MALRD1: variants seen among roughly 807,000 people sequenced by gnomAD.
MALRD1 encodes MAM and LDL receptor class A domain containing 1.
Under a neutral mutation model 242.1 loss-of-function variants are expected in MALRD1, and 247 were observed. The observed-to-expected ratio is 1.02, with a 90% CI of 0.92 to 1.13. MALRD1 has a LOEUF of 1.13. MALRD1 is among the 50% of genes most tolerant of loss of function. The pLI is 0.00. For synonymous variants in MALRD1, 995 were observed against 866.6 expected, an observed-to-expected ratio of 1.15 and a Z score of -2.60; for missense variants, 2,989 against 2,533.1, an observed-to-expected ratio of 1.18 and a Z score of -3.86.
intron 38 of MALRD1, among the ~76,000 whole-genome samples, chr10:19,701,052 G>A (rs1266951595): frequency 1.3e-5 from 2 of 152,204 alleles, no homozygotes; most frequent in African/African-American, 4.8e-5. Context: ...CGGAGGCAGA[G>A]TTGAGTGGAT....
intron 32 of MALRD1, among the ~76,000 whole-genome samples, chr10:19,545,399 T>A (rs1835166831): frequency 6.6e-6 from 1 of 152,194 alleles, no homozygotes; most frequent in Non-Finnish European, 1.5e-5. Flanking sequence ...GCTAACCTTT[T>A]GAGTTCTTGA....
intron 20 of MALRD1, among the ~76,000 whole-genome samples, chr10:19,281,283 T>C (rs1204128079): frequency 3.9e-5 from 6 of 152,176 alleles, no homozygotes; most frequent in Non-Finnish European, 8.8e-5. Context: ...TGTTCAGACT[T>C]GCTCATCGGA....
intron 36 of MALRD1, among the ~76,000 whole-genome samples, chr10:19,687,609 T>C (rs1217016295): frequency 6.6e-6 from 1 of 152,192 alleles, no homozygotes; most frequent in Non-Finnish European, 1.5e-5. Flanking sequence ...ACTATAAAAA[T>C]ACCCAACACA....
At chr10:19,277,731 A>T (rs113532191) in intron 19 of MALRD1, among the ~76,000 whole-genome samples, 6 of 152,174 alleles carry the variant, frequency 3.9e-5, no homozygotes, top group African/African-American at 1.2e-4. Context: ...TCTATCTTCA[A>T]TCTTAGGTCT....
chr10:19,370,906 A>T (rs2130745593), intron 26 of MALRD1, among the ~76,000 whole-genome samples: 1 of 152,106 alleles, frequency 6.6e-6, no homozygotes, highest in South Asian at 2.1e-4. Context: ...TCACCTTTTC[A>T]TAAATTCTTT....
At chr10:19,284,256 T>G (rs1301516054) in intron 21 of MALRD1, among the ~76,000 whole-genome samples, 1 of 152,208 alleles carries the variant, frequency 6.6e-6, no homozygotes, top group Non-Finnish European at 1.5e-5. Context: ...CAACTTTTTT[T>G]TTTTTTCATT....
chr10:19,645,164 C>A (rs113527846), intron 36 of MALRD1, among the ~76,000 whole-genome samples: 16 of 152,146 alleles, frequency 1.1e-4, no homozygotes, highest in African/African-American at 3.6e-4. Flanking sequence ...AAATGCAAAT[C>A]AAAACCGCAA....
intron 4 of MALRD1, among the ~76,000 whole-genome samples, chr10:19,088,536 C>CTTTTTTTTTTTTTTTTTTTTTT (rs748953378): frequency 9.1e-6 from 1 of 110,030 alleles, no homozygotes; most frequent in African/African-American, 3.4e-5. Flanking sequence ...CTCTTTCTTT[C>CTTTTTTTTTTTTTTTTTTTTTT]TTTTTTTTTT....
intron 35 of MALRD1, among the ~76,000 whole-genome samples, chr10:19,610,128 A>G (rs953971813): frequency 2.6e-5 from 4 of 151,984 alleles, no homozygotes; most frequent in African/African-American, 7.2e-5. Flanking sequence ...TTTATGAGGT[A>G]CAATTTGACA....
At chr10:19,156,553 A>C (rs1834155108) in intron 12 of MALRD1, among the ~76,000 whole-genome samples, 1 of 151,976 alleles carries the variant, frequency 6.6e-6, no homozygotes, top group South Asian at 2.1e-4. Flanking sequence ...TCATACATTA[A>C]AGTGATGAGA....
In MALRD1 at chr10:19,347,974, A is replaced by G. The variant is rs780521181; in HGVS notation, c.4105A>G (p.Arg1369Gly). 42 of 1,550,374 alleles carry G rather than the reference A, an allele frequency of 2.7e-5. No homozygotes were observed. The South Asian group carries it at 4.4e-4, about 16-fold the overall frequency. Residue 1369 changes from arginine to glycine, a missense_variant, in exon 25 of 40, where the codon AGA becomes GGA. Transcript: ENST00000454679. Reference sequence around the variant, plus strand: ...TCCTCAGCAGCCCATGAGAGCTGCCAGAATTTCAAGTCCAGTTATAAGTAA... The same window carrying G: ...TCCTCAGCAGCCCATGAGAGCTGCCGGAATTTCAAGTCCAGTTATAAGTAA... ...LFPQQPMRAA[R>G]ISSPVISKRS...
intron 13 of MALRD1, among the ~76,000 whole-genome samples, chr10:19,167,692 A>G (rs1026979737): frequency 1.3e-5 from 2 of 152,194 alleles, no homozygotes; most frequent in Non-Finnish European, 2.9e-5. Flanking sequence ...ATCAGTGTGC[A>G]TGCCTCCTGA....
intron 33 of MALRD1, among the ~76,000 whole-genome samples, chr10:19,591,742 C>G (rs1198404845): frequency 6.6e-6 from 1 of 152,162 alleles, no homozygotes; most frequent in East Asian, 1.9e-4. Flanking sequence ...AGATGATCTG[C>G]CCACCTCAGC....
At chr10:19,130,172 G>A (rs967369936) in intron 8 of MALRD1, among the ~76,000 whole-genome samples, 6 of 151,854 alleles carry the variant, frequency 4.0e-5, no homozygotes, top group Non-Finnish European at 8.8e-5. Flanking sequence ...GAAGAAAAGG[G>A]GACAACATCT....
chr10:19,319,914 C>G (rs1842848717), intron 21 of MALRD1, among the ~76,000 whole-genome samples: 1 of 151,630 alleles, frequency 6.6e-6, no homozygotes, highest in African/African-American at 2.4e-5. Context: ...AAACTTAAAG[C>G]ATTTATTGCA....
intron 31 of MALRD1, among the ~76,000 whole-genome samples, chr10:19,500,407 T>G (rs4747375): frequency 0.29 from 44,041 of 152,088 alleles, 8,693 homozygotes; most frequent in African/African-American, 0.57. Flanking sequence ...AAAGATGGAC[T>G]ATACAGTATG....
At chr10:19,543,318 T>C (rs7900285) in intron 32 of MALRD1, among the ~76,000 whole-genome samples, 127,844 of 147,248 alleles carry the variant, frequency 0.87, 55,542 homozygotes, top group African/African-American at 0.9. Flanking sequence ...GGCTGGAGTA[T>C]AGTGGTGCAA....
chr10:19,555,349 C>T (rs960278689), intron 32 of MALRD1, among the ~76,000 whole-genome samples: 4 of 151,960 alleles, frequency 2.6e-5, no homozygotes, highest in East Asian at 1.9e-4. Context: ...AGTAAAGTAG[C>T]GTAGGAGGAT....
chr10:19,512,277 T>C (rs1833438353), intron 31 of MALRD1, among the ~76,000 whole-genome samples: 1 of 152,204 alleles, frequency 6.6e-6, no homozygotes, highest in Non-Finnish European at 1.5e-5. Flanking sequence ...TCATCATTTA[T>C]AAGAACAGGA....
Sources: gnomAD v4.1 joint callset for allele counts (sites outside exome capture counted in the v4.1 genomes callset) on GRCh38, gnomAD v4.1.1 for gene constraint, MANE v1.5 for transcripts, NCBI Gene and HGNC (gene_info 2026-07-23, HGNC 2026-07-21) for gene names.